PRLR: variants seen among roughly 807,000 people sequenced by gnomAD.
PRLR encodes the protein hPRL receptor.
PRLR carries 13 observed loss-of-function variants against 40.2 expected under a neutral mutation model. The ratio of observed to expected loss-of-function variants is 0.32; its 90% CI spans 0.21 to 0.51. PRLR has a LOEUF of 0.51. Among genes scored for constraint, PRLR ranks in the 20% least tolerant of loss-of-function variants. The pLI is 0.97. For synonymous variants in PRLR, 269 were observed against 278.7 expected (o/e 0.97, Z 0.35); for missense variants, 656 against 747.3 (o/e 0.88, Z 1.42).
At chr5:35,202,357 T>G (rs1476632166) in intron 1 of PRLR, among the ~76,000 whole-genome samples, 1 of 152,236 alleles carries the variant, frequency 6.6e-6, no homozygotes, top group African/African-American at 2.4e-5. Flanking sequence ...TTTTACAATT[T>G]GACACCAACC....
chr5:35,168,401 G>A (rs1296290230), intron 1 of PRLR, among the ~76,000 whole-genome samples: 1 of 151,974 alleles, frequency 6.6e-6, no homozygotes, highest in African/African-American at 2.4e-5. Context: ...ACTGTAGAAT[G>A]TATGTTCCTT....
intron 6 of PRLR, among the ~76,000 whole-genome samples, chr5:35,071,982 G>A (rs1371226824): frequency 1.3e-5 from 2 of 151,060 alleles, no homozygotes; most frequent in South Asian, 2.1e-4. Flanking sequence ...TGAAACCTCC[G>A]CCTCCTGGGT....
intron 1 of PRLR, among the ~76,000 whole-genome samples, chr5:35,159,649 T>C (rs1243696604): frequency 6.6e-6 from 1 of 152,216 alleles, no homozygotes; most frequent in Non-Finnish European, 1.5e-5. Flanking sequence ...GGCAGCTGTT[T>C]TTATAGAAAC....
In PRLR at chr5:35,066,050, G is replaced by T; in HGVS notation, c.908C>A (p.Pro303His). The change falls in exon 10 of 10, where the codon CCC (proline) becomes CAC (histidine). Residue 303 changes from proline (P) to histidine (H), a missense_variant. By Grantham distance (77) the Pro-to-His change is moderately conservative. Transcript: ENST00000618457. ...LSALGCQDFP[P>H]TSDYEDLLVE... ...CAGCAAGTCCTCATAGTCAGAAGTG[G>T]GAGGAAAGTCTTGGCATCCCAAGGC... is the stretch of plus-strand genomic sequence containing the variant. 6.2e-7 allele frequency: 1 copy of T among 1,614,072 alleles called. No homozygotes were observed. The highest frequency in any genetic ancestry group is 1.7e-4 in the Middle Eastern group (1 of 6,046).
chr5:35,072,576 T>C lies in PRLR; in HGVS notation c.542A>G (p.Glu181Gly). The change falls in exon 6 of 10, where the codon GAG becomes GGG. Residue 181 changes from glutamate (E) to glycine (G), a missense_variant and splice_region_variant. Around this residue, in one of 3 missense-constraint regions of PRLR, gnomAD observed 180 missense variants for 236.8 expected, o/e 0.76. Transcript: ENST00000618457. ...TCAAAAAGCATATGGATCACTCACC[T>C]CCCACTCAGCTGCTTTCTCGGGTTT... The part of the protein sequence containing the change: ...RLKPEKAAEW[E>G]IHFAGQQTEF... The C allele has an allele frequency of 1.2e-6, 2 of 1,613,632 alleles. No individual in the cohort carries two copies. Among genetic ancestry groups the C allele is most frequent in the Non-Finnish European group, 1.7e-6 (2 of 1,179,766 alleles).
chr5:35,183,005 C>T (rs1278918990), intron 1 of PRLR, among the ~76,000 whole-genome samples: 3 of 152,198 alleles, frequency 2.0e-5, no homozygotes, highest in Non-Finnish European at 2.9e-5. Flanking sequence ...AAACCATGCT[C>T]ATAGTTAGCA....
rs1770835109 is a variant in PRLR, at chr5:35,086,145, TC to T, written c.203+62del. On this transcript the variant is annotated intron_variant, in intron 4 of 9. Coordinates refer to ENST00000618457, the MANE Select transcript of PRLR (RefSeq NM_000949.7). ...TGTGCTGTCACTCAGAACCAGTGTT[TC>T]TTTGGCCTGGAGAATGGGAGTACTC... 7.6e-6 allele frequency: 12 copies of T among 1,587,642 alleles called. No homozygotes were observed. In the East Asian group the frequency reaches 1.3e-4, roughly 18 times the overall value.
chr5:35,070,725 C>T (rs1157817666), intron 6 of PRLR, among the ~76,000 whole-genome samples: 3 of 151,580 alleles, frequency 2.0e-5, no homozygotes, highest in Non-Finnish European at 4.4e-5. Context: ...TGCCTGTAAT[C>T]CCAGCTACTT....
At chr5:35,191,581 C>G (rs1427400949) in intron 1 of PRLR, among the ~76,000 whole-genome samples, 1 of 152,222 alleles carries the variant, frequency 6.6e-6, no homozygotes, top group East Asian at 1.9e-4. Context: ...TTTCCTTCTG[C>G]TAATGCAGAT....
chr5:35,228,763 C>T (rs2111700742), intron 1 of PRLR, among the ~76,000 whole-genome samples: 1 of 152,272 alleles, frequency 6.6e-6, no homozygotes, highest in South Asian at 2.1e-4. Flanking sequence ...GGAGCTGTCT[C>T]CTTCAGCAGC....
intron 1 of PRLR, 125 bp from the exon 2 acceptor site, chr5:35,118,247 T>G: frequency 5.1e-5 from 14 of 276,314 alleles, no homozygotes; most frequent in Non-Finnish European, 6.6e-5. Context: ...GAGACAGCTC[T>G]AGTGTTCTGG....
chr5:35,150,033 C>A (rs920222997), intron 1 of PRLR, among the ~76,000 whole-genome samples: 1 of 152,016 alleles, frequency 6.6e-6, no homozygotes, highest in South Asian at 2.1e-4. Flanking sequence ...TACAGGCATG[C>A]GCCACGACGC....
chr5:35,109,140 G>A (rs747537862), intron 2 of PRLR, among the ~76,000 whole-genome samples: 1 of 152,182 alleles, frequency 6.6e-6, no homozygotes, highest in Non-Finnish European at 1.5e-5. Context: ...TTAATAAATG[G>A]TGCTGGGAAA....
intron 1 of PRLR, among the ~76,000 whole-genome samples, chr5:35,222,132 A>G (rs922465701): frequency 2.0e-5 from 3 of 152,238 alleles, no homozygotes; most frequent in South Asian, 2.1e-4. Flanking sequence ...GTGAAACCCC[A>G]TCTCTACTAA....
intron 1 of PRLR, among the ~76,000 whole-genome samples, chr5:35,148,923 G>A (rs2043928175): frequency 1.3e-5 from 2 of 151,856 alleles, no homozygotes; most frequent in South Asian, 4.1e-4. Flanking sequence ...TATAGATACA[G>A]AATTTTAAAT....
At chr5:35,105,891 C>T (rs1048813358) in intron 2 of PRLR, among the ~76,000 whole-genome samples, 1 of 152,150 alleles carries the variant, frequency 6.6e-6, no homozygotes, top group African/African-American at 2.4e-5. Context: ...CAAAGATACT[C>T]CTCGAGAAGA....
intron 1 of PRLR, among the ~76,000 whole-genome samples, chr5:35,119,511 A>G (rs192481767): frequency 1.7e-4 from 26 of 152,286 alleles, no homozygotes; most frequent in African/African-American, 6.0e-4. Flanking sequence ...ATCTGAGCAT[A>G]AGACAGCCAG....
intron 5 of PRLR, among the ~76,000 whole-genome samples, chr5:35,083,707 A>G (rs1415423469): frequency 6.6e-6 from 1 of 151,434 alleles, no homozygotes; most frequent in Non-Finnish European, 1.5e-5. Flanking sequence ...TTTAGTAGAG[A>G]TGGGGTTTCA....
intron 1 of PRLR, among the ~76,000 whole-genome samples, chr5:35,201,171 G>C (rs1454101636): frequency 6.6e-6 from 1 of 152,118 alleles, no homozygotes. Context: ...AATGCATGCA[G>C]AGTTGTTATT....
Sources: allele counts gnomAD v4.1 joint callset (sites outside exome capture counted in the v4.1 genomes callset), GRCh38; gene constraint gnomAD v4.1.1; regional missense constraint gnomAD v4.1.1; transcripts MANE v1.5; gene names NCBI Gene and HGNC (gene_info 2026-07-23, HGNC 2026-07-21).